Variants in ZNF567 observed in about 807,000 individuals in gnomAD.
ZNF567 encodes zinc finger protein 567.
In ZNF567, 36 loss-of-function variants were observed where a neutral mutation model predicts 53.9. The ratio of observed to expected loss-of-function variants is 0.67; its 90% CI spans 0.51 to 0.88. ZNF567 has a LOEUF of 0.88. Ranked by LOEUF, ZNF567 falls within the 40% of genes least tolerant of loss-of-function variation. The pLI is 0.00. For synonymous variants in ZNF567, 224 were observed against 260.4 expected, an observed-to-expected ratio of 0.86 and a Z score of 1.35; for missense variants, 619 against 764.7, an observed-to-expected ratio of 0.81 and a Z score of 2.25.
At chr19:36,697,312 AT>A (rs1194297637) in intron 3 of ZNF567, among the ~76,000 whole-genome samples, 2 of 151,636 alleles carry the variant, frequency 1.3e-5, no homozygotes, top group African/African-American at 4.8e-5. Flanking sequence ...AATGCAATTG[AT>A]TTTTTTATCT....
At chr19:36,692,063 C>T (rs912108151) in intron 2 of ZNF567, among the ~76,000 whole-genome samples, 2 of 152,230 alleles carry the variant, frequency 1.3e-5, no homozygotes, top group Non-Finnish European at 2.9e-5. Context: ...CATTGATGCA[C>T]ACTTGGGTTG....
rs140835511 is a variant in ZNF567, at chr19:36,720,217, C to T, written c.1493C>T (p.Thr498Ile). 5 of 1,613,984 alleles carry T rather than the reference C, an allele frequency of 3.1e-6. No homozygotes were observed. The highest frequency in any genetic ancestry group is 1.3e-5 in the African/African-American group (1 of 74,902). The change falls in exon 6 of 6, where the codon ACT becomes ATT. Residue 498 changes from threonine (T) to isoleucine (I), a missense_variant. Thr to Ile is a moderately conservative substitution (Grantham distance 89). Transcript: ENST00000682579. Reference sequence around the variant, plus strand: ...TCATACCTCATTGATCATCACCGAACTCACACAGGAGAGAAACCATATGAA... The same window carrying T: ...TCATACCTCATTGATCATCACCGAATTCACACAGGAGAGAAACCATATGAA... Reference protein sequence around the residue: ...MKSYLIDHHRTHTGEKPYECN... With the variant: ...MKSYLIDHHRIHTGEKPYECN...
intron 1 of ZNF567, among the ~76,000 whole-genome samples, chr19:36,689,153 T>C (rs2038448364): frequency 6.6e-6 from 1 of 151,992 alleles, no homozygotes; most frequent in South Asian, 2.1e-4. Flanking sequence ...ATGACTGATA[T>C]GCTTAAATGA....
intron 3 of ZNF567, among the ~76,000 whole-genome samples, chr19:36,710,860 A>C (rs1033878289): frequency 2.0e-5 from 3 of 152,188 alleles, no homozygotes; most frequent in African/African-American, 7.2e-5. Flanking sequence ...AAGAAGCAGA[A>C]GCCTTAGAAT....
At chr19:36,724,831 G>A (rs8104355), downstream of ZNF567, among the ~76,000 whole-genome samples, 1 of 151,018 alleles carries the variant, frequency 6.6e-6, no homozygotes, top group Non-Finnish European at 1.5e-5. Context: ...CTGAGTGACA[G>A]AGTAAGACTC....
intron 4 of ZNF567, 28 bp from the exon 5 acceptor site, chr19:36,712,750 AATC>A (rs750678660): frequency 5.0e-6 from 8 of 1,599,526 alleles, no homozygotes; most frequent in Non-Finnish European, 6.8e-6. Context: ...ATTATAGCCC[AATC>A]AACTTAAGTC....
upstream of ZNF567, among the ~76,000 whole-genome samples, chr19:36,682,614 T>A (rs1485965825): frequency 7.1e-6 from 1 of 140,744 alleles, no homozygotes; most frequent in Non-Finnish European, 1.5e-5. Flanking sequence ...ATTATTATTA[T>A]TTTTTTTTTT....
intron 2 of ZNF567, among the ~76,000 whole-genome samples, chr19:36,691,868 G>A (rs907582737): frequency 2.6e-5 from 4 of 152,052 alleles, no homozygotes; most frequent in Admixed American, 6.6e-5. Flanking sequence ...GGCTGGTCTC[G>A]AACTCCTGAG....
chr19:36,698,208 A>C (rs1334934601), intron 3 of ZNF567, among the ~76,000 whole-genome samples: 3 of 151,980 alleles, frequency 2.0e-5, no homozygotes, highest in Non-Finnish European at 4.4e-5. Context: ...GTTTACGGAG[A>C]ATGATGATTT....
chr19:36,677,920 T>G, the ZNF567 span, among the ~76,000 whole-genome samples: 5 of 152,306 alleles, frequency 3.3e-5, no homozygotes, highest in Admixed American at 6.5e-5. Flanking sequence ...AACTGTGTTT[T>G]TATTATTGAG....
intron 3 of ZNF567, among the ~76,000 whole-genome samples, chr19:36,705,157 T>C (rs563548405): frequency 6.6e-6 from 1 of 152,274 alleles, no homozygotes; most frequent in South Asian, 2.1e-4. Context: ...CAGCTTTTAG[T>C]TTCATGGATT....
Position 36,718,997 on chromosome 19 carries a change from A to C in ZNF567, c.273A>C (p.Gln91His). The C allele has an allele frequency of 6.3e-7, 1 of 1,584,330 alleles. No individual in the cohort carries two copies. Among genetic ancestry groups the C allele is most frequent in the Non-Finnish European group, 8.5e-7 (1 of 1,172,034 alleles). ...TTTTAGTGAAATTCAAGGAACACCA[A>C]GAGAAGTATTCTAGATCAGTTGTAA... ...EDFLVKFKEH[Q>H]EKYSRSVVSI... is the part of the protein sequence containing the mutation. Residue 91 changes from glutamine (Q) to histidine (H), a missense_variant, in exon 6 of 6, where the codon CAA becomes CAC. Physicochemically the swap from Gln to His is conservative, Grantham distance 24. Coordinates refer to ENST00000682579, the MANE Select transcript of ZNF567 (RefSeq NM_001322917.1).
At chr19:36,705,227 C>T (rs1479409978) in intron 3 of ZNF567, among the ~76,000 whole-genome samples, 1 of 152,202 alleles carries the variant, frequency 6.6e-6, no homozygotes, top group Admixed American at 6.5e-5. Flanking sequence ...CTTTCCCTCT[C>T]ATGACTTTGG....
At chr19:36,726,018 C>G (rs2040334049), downstream of ZNF567, among the ~76,000 whole-genome samples, 1 of 152,008 alleles carries the variant, frequency 6.6e-6, no homozygotes, top group South Asian at 2.1e-4. Flanking sequence ...TGGGTAGTTC[C>G]TATTGTTCTG....
chr19:36,710,416 A>C (rs2039721587), intron 3 of ZNF567, among the ~76,000 whole-genome samples: 1 of 150,300 alleles, frequency 6.7e-6, no homozygotes, highest in Non-Finnish European at 1.5e-5. Context: ...CATGTTTAGT[A>C]ATTTTTGCTA....
chr19:36,702,020 G>A (rs1245942102), intron 3 of ZNF567, among the ~76,000 whole-genome samples: 143 of 152,034 alleles, frequency 9.4e-4, no homozygotes, highest in East Asian at 7.7e-4. Flanking sequence ...TCCTAGTCTC[G>A]ATGGTCTTTA....
chr19:36,702,022 T>C (rs1014555116), intron 3 of ZNF567, among the ~76,000 whole-genome samples: 17 of 152,146 alleles, frequency 1.1e-4, no homozygotes, highest in Non-Finnish European at 1.6e-4. Context: ...CTAGTCTCGA[T>C]GGTCTTTACA....
At chr19:36,723,070 C>T, downstream of ZNF567, 1 of 653,038 alleles carries the variant, frequency 1.5e-6, no homozygotes, top group Non-Finnish European at 2.8e-6. Flanking sequence ...CTGTGAGAAC[C>T]CAAGGATTTT....
At position 36,692,050 on chromosome 19, in the gene ZNF567, A is replaced by G. The variant is rs144334930; in HGVS notation, c.-67+2553A>G. Among the ~76,000 whole-genome samples, 44 of 152,342 alleles carry G rather than the reference A, an allele frequency of 2.9e-4. 1 individual carries two copies. The highest frequency in any genetic ancestry group is 6.8e-3 in the Middle Eastern group (2 of 294). On this transcript the variant is annotated intron_variant, in intron 2 of 5. Transcript: ENST00000682579. ...TGGATCACAGTTGGTTTGTCTGTGT[A>G]TCCATTGATGCACACTTGGGTTGTT... is the stretch of plus-strand genomic sequence containing the variant.
Sources: allele counts gnomAD v4.1 joint callset (sites outside exome capture counted in the v4.1 genomes callset), GRCh38; gene constraint gnomAD v4.1.1; transcripts MANE v1.5; gene names NCBI Gene and HGNC (gene_info 2026-07-23, HGNC 2026-07-21).